The following RECK variants were observed in gnomAD, a reference collection of about 807,000 sequenced individuals.
RECK encodes the protein reversion-inducing cysteine-rich protein with Kazal motifs.
In RECK, 69 loss-of-function variants were observed where a neutral mutation model predicts 115.1. The observed-to-expected ratio is 0.60, with a 90% CI of 0.49 to 0.73. The LOEUF (loss-of-function observed/expected upper bound fraction) is 0.73. Among genes scored for constraint, RECK ranks in the 30% least tolerant of loss-of-function variants. RECK has a pLI of 0.00. For synonymous variants in RECK, 414 were observed against 419.7 expected, an observed-to-expected ratio of 0.99 and a Z score of 0.17; for missense variants, 1,047 against 1,203.7, an observed-to-expected ratio of 0.87 and a Z score of 1.93.
intron 7 of RECK, among the ~76,000 whole-genome samples, chr9:36,082,166 C>T (rs575371990): frequency 1.4e-5 from 2 of 147,462 alleles, no homozygotes; most frequent in African/African-American, 5.2e-5. Context: ...CTCTCTCTCT[C>T]TCTCTCTCTC....
At chr9:36,113,836 A>C (rs950989610) in intron 16 of RECK, among the ~76,000 whole-genome samples, 4 of 152,254 alleles carry the variant, frequency 2.6e-5, no homozygotes, top group African/African-American at 9.6e-5. Flanking sequence ...TAAACATAAA[A>C]AAAGAAATCC....
At position 36,100,537 on chromosome 9, in the gene RECK, T is replaced by C. The variant is rs1292795185; in HGVS notation, c.1292T>C (p.Ile431Thr). ...PCHSKSRGSI[I>T]CKSDCVEILK... The stretch of plus-strand genomic sequence containing the variant: ...CATAGTAAATCTCGGGGAAGTATTA[T>C]TTGCAAGTAAGTTTCTTTCATCCTA... The change falls in exon 11 of 21, where the codon ATT becomes ACT. Residue 431 changes from isoleucine (I) to threonine (T), a missense_variant. Ile to Thr is a moderately conservative substitution (Grantham distance 89, BLOSUM62 -1). Coordinates refer to ENST00000377966, the MANE Select transcript of RECK (RefSeq NM_021111.3). 1.2e-6 allele frequency: 2 copies of C among 1,612,190 alleles called. No individual in the cohort carries two copies. The highest frequency in any genetic ancestry group is 2.2e-5 in the South Asian group (2 of 91,022).
intron 6 of RECK, among the ~76,000 whole-genome samples, chr9:36,067,209 T>G (rs1822040011): frequency 6.6e-6 from 1 of 152,122 alleles, no homozygotes; most frequent in African/African-American, 2.4e-5. Context: ...TTGGGTAAAT[T>G]TGGTGTAATA....
chr9:36,061,393 T>TACACACACACACACACACAC lies in RECK; in HGVS notation c.271+1264_271+1283dup, dbSNP rs58265948. On this transcript the variant is annotated intron_variant, in intron 4 of 20. Coordinates refer to ENST00000377966, the MANE Select transcript of RECK (RefSeq NM_021111.3). ...GCATCCTTAGTATCCTGTAATTTTC[T>TACACACACACACACACACAC]ACACACACACACACACACACACACA... 3.9e-3 allele frequency among the ~76,000 whole-genome samples: 507 copies of TACACACACACACACACACAC among 129,100 alleles called. 7 individuals are homozygous for TACACACACACACACACACAC. The highest frequency in any genetic ancestry group is 8.1e-3 in the Middle Eastern group (2 of 246). 84.7% of individuals were successfully genotyped at this position (129,100 alleles called of 152,430 possible).
intron 3 of RECK, 58 bp from the exon 4 acceptor site, chr9:36,060,061 T>C (rs1347446967): frequency 7.4e-6 from 11 of 1,482,772 alleles, no homozygotes; most frequent in Admixed American, 3.4e-5. Flanking sequence ...TAGAAATTAA[T>C]TGTCATATTT....
chr9:36,039,981 T>G (rs1208801964), intron 1 of RECK, among the ~76,000 whole-genome samples: 1 of 152,238 alleles, frequency 6.6e-6, no homozygotes, highest in Non-Finnish European at 1.5e-5. Flanking sequence ...CTTTTCACTG[T>G]GTGCCACTTG....
chr9:36,093,434 A>C (rs1234101976), intron 10 of RECK, among the ~76,000 whole-genome samples: 2 of 152,238 alleles, frequency 1.3e-5, no homozygotes, highest in African/African-American at 4.8e-5. Flanking sequence ...AAAGATCTAC[A>C]GGTAAAGATA....
chr9:36,053,352 A>G (rs1821384974), intron 2 of RECK, among the ~76,000 whole-genome samples: 2 of 152,200 alleles, frequency 1.3e-5, no homozygotes. Flanking sequence ...TCTTCAAGTA[A>G]TAACCTGGAT....
chr9:36,092,778 G>T (rs1823211916), intron 10 of RECK, among the ~76,000 whole-genome samples: 1 of 151,736 alleles, frequency 6.6e-6, no homozygotes, highest in Non-Finnish European at 1.5e-5. Flanking sequence ...TTCTTTTCAT[G>T]GGGAGTAGAG....
At chr9:36,078,696 C>T (rs1299058508) in intron 6 of RECK, among the ~76,000 whole-genome samples, 4 of 151,972 alleles carry the variant, frequency 2.6e-5, no homozygotes, top group South Asian at 2.1e-4. Flanking sequence ...GGCCATGCAA[C>T]CCAAGATAGC....
In RECK at chr9:36,096,068, CA is replaced by C. The variant is rs150675703; in HGVS notation, c.1086-4244del. The stretch of plus-strand genomic sequence containing the variant: ...GGGCAACAAGAATGAAACTCCATCT[CA>C]AAAAAAAAAAAAAAAAAATTTGCTG... On this transcript the variant is annotated intron_variant, in intron 10 of 20. Coordinates refer to ENST00000377966, the MANE Select transcript of RECK (RefSeq NM_021111.3). Among the ~76,000 whole-genome samples the C allele has an allele frequency of 9.3e-3, 846 of 91,014 alleles. 6 individuals carry two copies. Among genetic ancestry groups the C allele is most frequent in the African/African-American group, 0.024 (584 of 24,092 alleles). 59.7% of individuals were successfully genotyped at this position (91,014 alleles called of 152,430 possible).
In RECK at chr9:36,042,490, C is replaced by G. The variant is rs774078968; in HGVS notation, c.100+5392C>G. 1.2e-3 allele frequency among the ~76,000 whole-genome samples: 174 copies of G among 149,658 alleles called. 1 individual carries two copies. Among genetic ancestry groups the G allele is most frequent in the Non-Finnish European group, 2.2e-3 (151 of 67,492 alleles). ...TACACATATACCACATTTTCTTTATCCAATGGGCATTTGGGCTGATTCCAT... is the reference window on the plus strand; with the variant it reads ...TACACATATACCACATTTTCTTTATGCAATGGGCATTTGGGCTGATTCCAT... On this transcript the variant is annotated intron_variant, in intron 1 of 20. Transcript: ENST00000377966.
At chr9:36,089,888 G>A (rs1461759356) in intron 9 of RECK, among the ~76,000 whole-genome samples, 3 of 151,896 alleles carry the variant, frequency 2.0e-5, no homozygotes, top group Non-Finnish European at 4.4e-5. Flanking sequence ...TAATTCCAGG[G>A]TGAGGCAGAT....
chr9:36,081,655 GA>G (rs1822697353), intron 7 of RECK, among the ~76,000 whole-genome samples: 1 of 152,050 alleles, frequency 6.6e-6, no homozygotes, highest in Admixed American at 6.6e-5. Flanking sequence ...CCAATATGGT[GA>G]AAACCCATCT....
Position 36,083,358 on chromosome 9 carries a change from T to C in RECK, c.440-7T>C. ...CATGTCAGTGCCTTCTCTTTTTTTCTCCATAGTGGGCTCGGTTTGTTGCAG... is the reference window on the plus strand; with the variant it reads ...CATGTCAGTGCCTTCTCTTTTTTTCCCCATAGTGGGCTCGGTTTGTTGCAG... On this transcript the variant is annotated splice_region_variant and splice_polypyrimidine_tract_variant and intron_variant, in intron 7 of 20. Coordinates refer to ENST00000377966, the MANE Select transcript of RECK (RefSeq NM_021111.3). The C allele has an allele frequency of 6.2e-7, 1 of 1,610,276 alleles. No homozygotes were observed. Among genetic ancestry groups the C allele is most frequent in the Non-Finnish European group, 8.5e-7 (1 of 1,177,472 alleles).
chr9:36,111,064 C>G (rs1322203911), intron 15 of RECK, among the ~76,000 whole-genome samples: 2 of 152,166 alleles, frequency 1.3e-5, no homozygotes, highest in African/African-American at 4.8e-5. Context: ...AAAGAATAAG[C>G]AAAGGATTTA....
At position 36,083,557 on chromosome 9, in the gene RECK, CG is replaced by C; in HGVS notation, c.634del (p.Asp212IlefsTer22). 3 of 1,612,344 alleles carry C rather than the reference CG, an allele frequency of 1.9e-6. No individual in the cohort carries two copies. The highest frequency in any genetic ancestry group is 1.7e-6 in the Non-Finnish European group (2 of 1,178,990). On this transcript the variant is annotated frameshift_variant, in exon 8 of 21. Transcript: ENST00000377966. LOFTEE classifies it high-confidence loss of function. ...YTQSYPMRNP[T>X]DSLYCCDRAE... ...CAATCTTATCCAATGAGGAACCCAA[CG>C]GATAGTAAGTAAAAGGGACATATTC...
intron 8 of RECK, among the ~76,000 whole-genome samples, chr9:36,087,097 T>C (rs535948039): frequency 6.6e-6 from 1 of 152,224 alleles, no homozygotes; most frequent in South Asian, 2.1e-4. Context: ...CTGCAAATAC[T>C]GACATATAAC....
chr9:36,072,204 G>A (rs1474861948), intron 6 of RECK, among the ~76,000 whole-genome samples: 1 of 152,154 alleles, frequency 6.6e-6, no homozygotes, highest in African/African-American at 2.4e-5. Flanking sequence ...TCTGCTTAAA[G>A]ATTTCTGTGT....
Sources: allele counts gnomAD v4.1 joint callset (sites outside exome capture counted in the v4.1 genomes callset), GRCh38; gene constraint gnomAD v4.1.1; transcripts MANE v1.5; gene names NCBI Gene and HGNC (gene_info 2026-07-23, HGNC 2026-07-21).